Variants in KCNMA1 observed in about 807,000 individuals in gnomAD.
KCNMA1 encodes potassium calcium-activated channel subfamily M alpha 1, also known as Calcium-activated potassium channel subunit alpha-1.
A neutral mutation model predicts 140.0 loss-of-function variants in KCNMA1; 29 were observed. The ratio of observed to expected loss-of-function variants is 0.21; its 90% CI spans 0.15 to 0.28. The LOEUF (loss-of-function observed/expected upper bound fraction) is 0.28, where lower values mean the gene tolerates loss of function less well. Among genes scored for constraint, KCNMA1 ranks in the 10% least tolerant of loss-of-function variants. The probability of loss-of-function intolerance (pLI) is 1.00; values close to 1 mark genes in which losing one functional copy is unlikely to be tolerated. For missense variants in KCNMA1, 880 were observed against 1,602.2 expected, an observed-to-expected ratio of 0.55 and a Z score of 7.70; for synonymous variants, 612 against 611.9, an observed-to-expected ratio of 1.00 and a Z score of 0.00.
chr10:77,572,438 TC>T (rs927233807), intron 1 of KCNMA1, among the ~76,000 whole-genome samples: 5 of 148,288 alleles, frequency 3.4e-5, no homozygotes, highest in African/African-American at 1.2e-4. Context: ...CTACTTCTTA[TC>T]AAAAAAAAAT....
chr10:77,418,261 A>G (rs777184957), intron 1 of KCNMA1, among the ~76,000 whole-genome samples: 1 of 152,188 alleles, frequency 6.6e-6, no homozygotes, highest in Non-Finnish European at 1.5e-5. Flanking sequence ...TGGCCCTGCA[A>G]AGCCTCAACT....
intron 5 of KCNMA1, among the ~76,000 whole-genome samples, chr10:77,136,554 TCAC>T (rs2098034388): frequency 6.6e-6 from 1 of 150,410 alleles, no homozygotes; most frequent in East Asian, 2.0e-4. Context: ...TATGTGTTTT[TCAC>T]CACAATTTTT....
chr10:77,505,454 G>C (rs965182484), intron 1 of KCNMA1, among the ~76,000 whole-genome samples: 2 of 152,216 alleles, frequency 1.3e-5, no homozygotes, highest in Non-Finnish European at 2.9e-5. Context: ...AGATACAAAA[G>C]ATTAGTGCCA....
At chr10:76,975,110 G>A (rs569032868) in intron 19 of KCNMA1, among the ~76,000 whole-genome samples, 9 of 152,216 alleles carry the variant, frequency 5.9e-5, no homozygotes, top group African/African-American at 1.9e-4. Context: ...TCCTTCGGCC[G>A]TCAGCGACAC....
chr10:77,426,065 C>G (rs1432749737), intron 1 of KCNMA1, among the ~76,000 whole-genome samples: 2 of 152,198 alleles, frequency 1.3e-5, no homozygotes, highest in Non-Finnish European at 2.9e-5. Flanking sequence ...GGCTTGGACT[C>G]TCTTTAAATA....
intron 1 of KCNMA1, among the ~76,000 whole-genome samples, chr10:77,448,493 T>C (rs540752653): frequency 3.3e-4 from 51 of 152,296 alleles, no homozygotes; most frequent in African/African-American, 1.2e-3. Flanking sequence ...AAGGCTATTG[T>C]TGACATAGTC....
intron 1 of KCNMA1, among the ~76,000 whole-genome samples, chr10:77,565,536 G>T (rs1203822571): frequency 1.3e-5 from 2 of 152,192 alleles, no homozygotes; most frequent in African/African-American, 4.8e-5. Context: ...AAGAGCTGGG[G>T]ACAGGAGCCT....
At chr10:77,230,617 C>G (rs2053257746) in intron 3 of KCNMA1, among the ~76,000 whole-genome samples, 2 of 152,162 alleles carry the variant, frequency 1.3e-5, no homozygotes, top group Non-Finnish European at 2.9e-5. Flanking sequence ...GAAGTCAACC[C>G]TCTGTCAATT....
intron 5 of KCNMA1, among the ~76,000 whole-genome samples, chr10:77,147,062 A>G (rs1417721479): frequency 2.0e-5 from 3 of 152,260 alleles, no homozygotes; most frequent in African/African-American, 2.4e-5. Flanking sequence ...AATGAAGCAC[A>G]TAGAGAAATA....
At chr10:76,898,600 T>C (rs767007466) in intron 25 of KCNMA1, among the ~76,000 whole-genome samples, 3 of 151,704 alleles carry the variant, frequency 2.0e-5, no homozygotes, top group Non-Finnish European at 4.4e-5. Flanking sequence ...AAAAATTAAA[T>C]ACAATGTAAT....
At chr10:77,201,415 C>T (rs78524845) in intron 3 of KCNMA1, among the ~76,000 whole-genome samples, 8,732 of 152,212 alleles carry the variant, frequency 0.057, 310 homozygotes, top group South Asian at 0.084. Context: ...CATGGACTTA[C>T]GGAGAAGACA....
intron 9 of KCNMA1, among the ~76,000 whole-genome samples, chr10:77,107,378 C>T (rs1180574107): frequency 6.6e-6 from 1 of 152,174 alleles, no homozygotes; most frequent in Non-Finnish European, 1.5e-5. Flanking sequence ...TACATAGGTA[C>T]AAGTTCCTCA....
chr10:77,387,602 CTTTTCTTTCT>C (rs1372406316), intron 2 of KCNMA1, among the ~76,000 whole-genome samples: 2 of 136,042 alleles, frequency 1.5e-5, no homozygotes, highest in African/African-American at 5.6e-5. Context: ...CTTTTCTTTT[CTTTTCTTTCT>C]TTTCTTTTCT....
intron 1 of KCNMA1, among the ~76,000 whole-genome samples, chr10:77,488,328 G>C (rs2098485670): frequency 6.6e-6 from 1 of 152,186 alleles, no homozygotes; most frequent in African/African-American, 2.4e-5. Flanking sequence ...CTGACACCTG[G>C]GAGCAACAGC....
chr10:77,346,515 C>T (rs1346497549), intron 2 of KCNMA1, among the ~76,000 whole-genome samples: 1 of 152,126 alleles, frequency 6.6e-6, no homozygotes, highest in East Asian at 1.9e-4. Context: ...ATGGAAAATT[C>T]AGATTAGAAA....
chr10:77,170,645 C>T (rs983237559), intron 5 of KCNMA1, among the ~76,000 whole-genome samples: 7 of 152,212 alleles, frequency 4.6e-5, no homozygotes, highest in African/African-American at 1.7e-4. Flanking sequence ...CCCTCCGCCC[C>T]TCTCCTTCCC....
chr10:77,535,927 G>A (rs530683586), intron 1 of KCNMA1, among the ~76,000 whole-genome samples: 2 of 152,294 alleles, frequency 1.3e-5, no homozygotes, highest in African/African-American at 4.8e-5. Context: ...TGGTTGATAG[G>A]TGCAAACATA....
intron 3 of KCNMA1, among the ~76,000 whole-genome samples, chr10:77,220,447 T>C (rs896065114): frequency 2.0e-5 from 3 of 152,224 alleles, no homozygotes; most frequent in Non-Finnish European, 1.5e-5. Context: ...CTGGGATGGA[T>C]GTACTGCCTT....
intron 23 of KCNMA1, among the ~76,000 whole-genome samples, chr10:76,922,386 T>C (rs572967965): frequency 2.8e-4 from 42 of 152,254 alleles, no homozygotes; most frequent in Non-Finnish European, 5.9e-4. Flanking sequence ...TTCCACAGTG[T>C]TTGTTGGGGG....
Sources: gnomAD v4.1 joint callset for allele counts (sites outside exome capture counted in the v4.1 genomes callset) on GRCh38, gnomAD v4.1.1 for gene constraint, MANE v1.5 for transcripts, NCBI Gene and HGNC (gene_info 2026-07-23, HGNC 2026-07-21) for gene names.